Variants in PIEZO2 observed in about 807,000 individuals in gnomAD.
PIEZO2 encodes the protein piezo-type mechanosensitive ion channel component 2.
A neutral mutation model predicts 337.3 loss-of-function variants in PIEZO2; 172 were observed. The observed-to-expected ratio is 0.51, with a 90% confidence interval of 0.45 to 0.58. The LOEUF is 0.58. PIEZO2 is among the 20% of genes least tolerant of loss of function. The probability of loss-of-function intolerance (pLI) is 0.00; values close to 1 mark genes in which losing one functional copy is unlikely to be tolerated. For missense variants in PIEZO2, 3,028 were observed against 3,391.3 expected, an observed-to-expected ratio of 0.89 and a Z score of 2.66; for synonymous variants, 1,251 against 1,228.5, an observed-to-expected ratio of 1.02 and a Z score of -0.38.
rs578053419 is a variant in PIEZO2, at chr18:10,790,885, T to C, written c.1882+316A>G. The stretch of plus-strand genomic sequence containing the variant: ...ACGCCCGGCTAGTTTTTTGTATTTT[T>C]AGTAAAGGCGGGTTTTCACCGTGTT... On this transcript the variant is annotated intron_variant, in intron 14 of 55. Coordinates refer to ENST00000674853, the MANE Select transcript of PIEZO2 (RefSeq NM_001378183.1). 3.9e-5 allele frequency among the ~76,000 whole-genome samples: 6 copies of C among 152,284 alleles called. No homozygotes were observed. The East Asian group carries it at 1.2e-3, about 29-fold the overall frequency.
chr18:10,835,024 A>C (rs1262069125), intron 7 of PIEZO2, among the ~76,000 whole-genome samples: 1 of 152,208 alleles, frequency 6.6e-6, no homozygotes, highest in Non-Finnish European at 1.5e-5. Flanking sequence ...CTGTGCCCTT[A>C]TGAAAGGGAC....
At chr18:11,121,361 C>T (rs2040025023) in intron 1 of PIEZO2, among the ~76,000 whole-genome samples, 1 of 152,098 alleles carries the variant, frequency 6.6e-6, no homozygotes, top group Non-Finnish European at 1.5e-5. Context: ...TCCAGACCAG[C>T]CTGGGCAACA....
intron 1 of PIEZO2, among the ~76,000 whole-genome samples, chr18:11,142,317 C>G (rs1297653778): frequency 6.6e-6 from 1 of 152,160 alleles, no homozygotes; most frequent in Admixed American, 6.5e-5. Flanking sequence ...AATCACTAGA[C>G]AGTTAAGAAA....
At position 11,001,457 on chromosome 18, in the gene PIEZO2, T is replaced by C. The variant is rs968301015; in HGVS notation, c.161-21797A>G. 6.6e-6 allele frequency among the ~76,000 whole-genome samples: 1 copy of C among 152,190 alleles called. No individual in the cohort carries two copies. Among genetic ancestry groups the C allele is most frequent in the African/African-American group, 2.4e-5 (1 of 41,450 alleles). ...CGCTCTTCTTTGACCCTGCTAGAGA[T>C]GACTTCACTGTCAGACAGTGAAAAT... On this transcript the variant is annotated intron_variant, in intron 2 of 55. Transcript: ENST00000674853. The surrounding 1 kb of genome is among the most constrained non-coding windows in gnomAD (Gnocchi z 5.3).
Position 10,797,362 on chromosome 18 carries a change from TATC to T in PIEZO2, c.1527+9_1527+11del, listed in dbSNP as rs1438945865. 1.3e-6 allele frequency: 2 copies of T among 1,514,538 alleles called. No individual in the cohort carries two copies. Among genetic ancestry groups the T allele is most frequent in the Admixed American group, 3.9e-5 (2 of 50,742 alleles). 93.8% of individuals were successfully genotyped at this position (1,514,538 alleles called of 1,614,324 possible). On this transcript the variant is annotated intron_variant, in intron 12 of 55. Coordinates refer to ENST00000674853, the MANE Select transcript of PIEZO2 (RefSeq NM_001378183.1). ...ACATATCATATTATACCTATCATCA[TATC>T]ATACATACCATCATAGCTATGAGGG... is the stretch of plus-strand genomic sequence containing the variant.
In PIEZO2 at chr18:10,855,708, T is replaced by A; in HGVS notation, c.704-142A>T. On this transcript the variant is annotated intron_variant, in intron 6 of 55. Coordinates refer to ENST00000674853, the MANE Select transcript of PIEZO2 (RefSeq NM_001378183.1). The surrounding 1 kb of genome is among the most constrained non-coding windows in gnomAD (Gnocchi z 4.9). ...AAATAGTAATTTTTAAAAATCATGT[T>A]TGATTTATATAATAAAAATTAATGC... The A allele has an allele frequency of 1.5e-6, 1 of 664,160 alleles. No individual in the cohort carries two copies. Among genetic ancestry groups the A allele is most frequent in the South Asian group, 2.1e-5 (1 of 46,824 alleles). 41.1% of individuals were successfully genotyped at this position (664,160 alleles called of 1,614,324 possible).
In PIEZO2 at chr18:10,942,199, G is replaced by A; in HGVS notation, c.287-30971C>T. Among the ~76,000 whole-genome samples the A allele has an allele frequency of 6.6e-6, 1 of 152,176 alleles. No individual in the cohort carries two copies. Among genetic ancestry groups the A allele is most frequent in the East Asian group, 1.9e-4 (1 of 5,196 alleles). On this transcript the variant is annotated intron_variant, in intron 3 of 55. Coordinates refer to ENST00000674853, the MANE Select transcript of PIEZO2 (RefSeq NM_001378183.1). This position sits in a 1 kb window ranked among gnomAD's most constrained non-coding sequence, Gnocchi z 4.4. ...CTAATTCAGTAAATTGGTACCAGTA[G>A]GGTGGGGCGCTGCTGAAAAGATATC...
At chr18:10,690,601 G>A (rs1321407943) in intron 48 of PIEZO2, among the ~76,000 whole-genome samples, 2 of 152,158 alleles carry the variant, frequency 1.3e-5, no homozygotes, top group Non-Finnish European at 2.9e-5. Flanking sequence ...GAAGGCACTC[G>A]ACACCTCTTC....
intron 49 of PIEZO2, among the ~76,000 whole-genome samples, chr18:10,688,413 A>G (rs945511013): frequency 2.6e-4 from 39 of 152,148 alleles, no homozygotes; most frequent in African/African-American, 7.5e-4. Context: ...AAACCACTGT[A>G]TTTGGAGGTA....
chr18:10,992,404 T>C (rs1220047189), intron 2 of PIEZO2, among the ~76,000 whole-genome samples: 1 of 152,216 alleles, frequency 6.6e-6, no homozygotes, highest in Non-Finnish European at 1.5e-5. Context: ...AGTTAATTTT[T>C]GTACAAGGTG....
At chr18:10,810,423 C>T (rs550025332) in intron 7 of PIEZO2, among the ~76,000 whole-genome samples, 8 of 152,200 alleles carry the variant, frequency 5.3e-5, no homozygotes, top group South Asian at 4.2e-4. Context: ...AGGGCAGTCT[C>T]CCTACCTCTA....
Position 10,850,223 on chromosome 18 carries a change from A to G in PIEZO2, c.917+5130T>C, listed in dbSNP as rs1252189295. 6.6e-6 allele frequency among the ~76,000 whole-genome samples: 1 copy of G among 152,240 alleles called. No individual in the cohort carries two copies. Among genetic ancestry groups the G allele is most frequent in the African/African-American group, 2.4e-5 (1 of 41,466 alleles). On this transcript the variant is annotated intron_variant, in intron 7 of 55. Transcript: ENST00000674853. This position sits in a 1 kb window ranked among gnomAD's most constrained non-coding sequence, Gnocchi z 4.5. Reference sequence around the variant, plus strand: ...AACCACATGTGCAGATGAAACTGGAAGGAAGCACGTGATTTTTTGGGACCA... The same window carrying G: ...AACCACATGTGCAGATGAAACTGGAGGGAAGCACGTGATTTTTTGGGACCA...
rs2036816320 is a variant in PIEZO2 at position 11,033,599 on chromosome 18, TA to T, written c.160+32527del. 6.6e-6 allele frequency among the ~76,000 whole-genome samples: 1 copy of T among 152,212 alleles called. No individual in the cohort carries two copies. Among genetic ancestry groups the T allele is most frequent in the Non-Finnish European group, 1.5e-5 (1 of 68,038 alleles). On this transcript the variant is annotated intron_variant, in intron 2 of 55. Transcript: ENST00000674853. The surrounding 1 kb of genome is among the most constrained non-coding windows in gnomAD (Gnocchi z 4.2). ...ACTTCTCTGATGCTGAATGTCAAAATACTGCATTTCACTGAAAAAAGCTAGT... is the reference window on the plus strand; with the variant it reads ...ACTTCTCTGATGCTGAATGTCAAAATCTGCATTTCACTGAAAAAAGCTAGT...
Position 10,862,135 on chromosome 18 carries a change from C to A in PIEZO2, c.493-4924G>T, listed in dbSNP as rs1034560594. 1.6e-4 allele frequency among the ~76,000 whole-genome samples: 24 copies of A among 152,072 alleles called. No individual in the cohort carries two copies. The highest frequency in any genetic ancestry group is 5.8e-4 in the African/African-American group (24 of 41,506). ...TTGAGATGATGAATATGCTAATTAG[C>A]CTGATTTGCTCATTCCACAATGTAT... On this transcript the variant is annotated intron_variant, in intron 5 of 55. Transcript: ENST00000674853. This position sits in a 1 kb window ranked among gnomAD's most constrained non-coding sequence, Gnocchi z 4.4.
chr18:10,787,801 T>G (rs1441273757), intron 15 of PIEZO2, among the ~76,000 whole-genome samples: 7 of 152,220 alleles, frequency 4.6e-5, no homozygotes, highest in Non-Finnish European at 1.0e-4. Context: ...CTGCAAGATA[T>G]TTTACTCTTT....
Position 10,726,827 on chromosome 18 carries a change from C to T in PIEZO2, c.5029+4580G>A, listed in dbSNP as rs2036564328. On this transcript the variant is annotated intron_variant, in intron 36 of 55. Coordinates refer to ENST00000674853, the MANE Select transcript of PIEZO2 (RefSeq NM_001378183.1). The surrounding 1 kb of genome is among the most constrained non-coding windows in gnomAD (Gnocchi z 5.9). ...CGGCCCCATGGGGTGCTGGATAATA[C>T]CCGGATGCCCCACCTTATGCAGGAC... 6 of 1,576,390 alleles carry T rather than the reference C, an allele frequency of 3.8e-6. No homozygotes were observed. In the African/African-American group the frequency reaches 5.4e-5, roughly 14 times the overall value.
At chr18:11,124,638 TG>T (rs1049272694) in intron 1 of PIEZO2, among the ~76,000 whole-genome samples, 1 of 152,030 alleles carries the variant, frequency 6.6e-6, no homozygotes, top group Non-Finnish European at 1.5e-5. Context: ...GGCAGGCATG[TG>T]TCTCAGTACC....
rs147389491 is a variant in PIEZO2 at position 10,733,040 on chromosome 18, C to A, written c.4915-1519G>T. 1.9e-3 allele frequency among the ~76,000 whole-genome samples: 283 copies of A among 152,040 alleles called. 2 individuals are homozygous for A. The highest frequency in any genetic ancestry group is 3.4e-3 in the Middle Eastern group (1 of 294). On this transcript the variant is annotated intron_variant, in intron 35 of 55. Coordinates refer to ENST00000674853, the MANE Select transcript of PIEZO2 (RefSeq NM_001378183.1). ...ATGAGGCGCACAAGTTGGAGGAATT[C>A]TTTTTCTCTGAAGAAAAAGGAAACT... is the stretch of plus-strand genomic sequence containing the variant.
chr18:10,699,674 A>T (rs1297913326), intron 43 of PIEZO2, among the ~76,000 whole-genome samples: 1 of 152,066 alleles, frequency 6.6e-6, no homozygotes, highest in African/African-American at 2.4e-5. Flanking sequence ...CTAGAGCTTT[A>T]TGAGGGTCCC....
Sources: allele counts gnomAD v4.1 joint callset (sites outside exome capture counted in the v4.1 genomes callset), GRCh38; gene constraint gnomAD v4.1.1; non-coding constraint Gnocchi (gnomAD v3.1); transcripts MANE v1.5; gene names NCBI Gene and HGNC (gene_info 2026-07-23, HGNC 2026-07-21).